The following ABTB2 variants were observed in gnomAD, a reference collection of about 807,000 sequenced individuals.
ABTB2 encodes the protein ankyrin repeat and BTB/POZ domain-containing protein 2.
A neutral mutation model predicts 104.1 loss-of-function variants in ABTB2; 56 were observed. The ratio of observed to expected loss-of-function variants is 0.54; its 90% CI spans 0.43 to 0.67. The LOEUF (loss-of-function observed/expected upper bound fraction) is 0.67, where lower values mean the gene tolerates loss of function less well. Among genes scored for constraint, ABTB2 ranks in the 30% least tolerant of loss-of-function variants. ABTB2 has a pLI of 0.00. For synonymous variants in ABTB2, 606 were observed against 608.2 expected (o/e 1.00, Z 0.05); for missense variants, 1,279 against 1,407.7 (o/e 0.91, Z 1.46).
At chr11:34,277,702 C>A (rs918931945) in intron 1 of ABTB2, among the ~76,000 whole-genome samples, 1 of 151,414 alleles carries the variant, frequency 6.6e-6, no homozygotes, top group African/African-American at 2.4e-5. Flanking sequence ...ATCGCTTGAA[C>A]CCAGGAGGCA....
intron 6 of ABTB2, 117 bp from the exon 7 acceptor site, chr11:34,167,477 C>T: frequency 1.2e-6 from 1 of 867,626 alleles, no homozygotes. Flanking sequence ...TAATGTTTGC[C>T]TGGAGCACAA....
chr11:34,163,799 G>A (rs1351565413), intron 9 of ABTB2, among the ~76,000 whole-genome samples: 2 of 152,218 alleles, frequency 1.3e-5, no homozygotes, highest in South Asian at 4.1e-4. Flanking sequence ...AACTAGCCAC[G>A]GTGACTGTCC....
intron 1 of ABTB2, among the ~76,000 whole-genome samples, chr11:34,305,527 T>C (rs755174215): frequency 3.3e-5 from 5 of 152,156 alleles, no homozygotes; most frequent in Non-Finnish European, 5.9e-5. Context: ...ATCTTGCACG[T>C]TGTATAAACA....
chr11:34,173,863 G>T (rs1852922337), intron 3 of ABTB2, among the ~76,000 whole-genome samples: 1 of 152,184 alleles, frequency 6.6e-6, no homozygotes, highest in Non-Finnish European at 1.5e-5. Context: ...TTCTCCATCT[G>T]TAGCACACGT....
At chr11:34,284,628 T>C (rs772453115) in intron 1 of ABTB2, among the ~76,000 whole-genome samples, 6 of 152,236 alleles carry the variant, frequency 3.9e-5, no homozygotes, top group Non-Finnish European at 7.3e-5. Flanking sequence ...GGGTGAGTTG[T>C]TGACGGATGA....
Position 34,291,460 on chromosome 11 carries a change from C to T in ABTB2, c.883+65241G>A, listed in dbSNP as rs138912213. Reference sequence around the variant, plus strand: ...GCACAGTGTTCTTCGGCGTGGGGCACAGGACTGAAAACTATCCTTCTAACT... The same window carrying T: ...GCACAGTGTTCTTCGGCGTGGGGCATAGGACTGAAAACTATCCTTCTAACT... On this transcript the variant is annotated intron_variant, in intron 1 of 16. Transcript: ENST00000435224. Among the ~76,000 whole-genome samples, 18 of 152,282 alleles carry T rather than the reference C, an allele frequency of 1.2e-4. No individual in the cohort carries two copies. In the East Asian group the frequency reaches 2.7e-3, roughly 23 times the overall value.
chr11:34,169,242 T>C (rs1852838870), intron 5 of ABTB2, among the ~76,000 whole-genome samples: 1 of 152,192 alleles, frequency 6.6e-6, no homozygotes, highest in Non-Finnish European at 1.5e-5. Flanking sequence ...CACTGCTTTT[T>C]CCCTTGTCCC....
intron 1 of ABTB2, among the ~76,000 whole-genome samples, chr11:34,300,937 G>T (rs1320625582): frequency 6.6e-6 from 1 of 152,168 alleles, no homozygotes; most frequent in Non-Finnish European, 1.5e-5. Flanking sequence ...CAATTTACTG[G>T]GGGGCTGGTG....
At chr11:34,230,309 T>C (rs1004235002) in intron 1 of ABTB2, among the ~76,000 whole-genome samples, 2 of 152,152 alleles carry the variant, frequency 1.3e-5, no homozygotes, top group African/African-American at 4.8e-5. Context: ...CCAAACCACG[T>C]TAAGTGGCAG....
At chr11:34,179,080 C>CAA (rs111676312) in intron 3 of ABTB2, among the ~76,000 whole-genome samples, 36,310 of 98,290 alleles carry the variant, frequency 0.37, 7,042 homozygotes, top group Non-Finnish European at 0.48. Context: ...AACTCCAACT[C>CAA]AAAAAAAAAA....
In ABTB2 at chr11:34,159,292, A is replaced by G. The variant is rs751673016; in HGVS notation, c.2697+4T>C. 33 of 1,612,306 alleles carry G rather than the reference A, an allele frequency of 2.0e-5. No homozygotes were observed. The highest frequency in any genetic ancestry group is 2.7e-5 in the African/African-American group (2 of 74,852). ...AGAAGAGGGCGGCACCAAGACCCAC[A>G]CACCTGAAAAATGTGGTACTTCATG... On this transcript the variant is annotated splice_donor_region_variant and intron_variant, in intron 14 of 16. Transcript: ENST00000435224.
intron 3 of ABTB2, among the ~76,000 whole-genome samples, chr11:34,197,089 C>T (rs551619696): frequency 5.3e-5 from 8 of 152,272 alleles, no homozygotes; most frequent in East Asian, 3.9e-4. Context: ...CAGAAGCACA[C>T]GTTCTGAGCC....
At chr11:34,177,796 A>C (rs1852974686) in intron 3 of ABTB2, among the ~76,000 whole-genome samples, 3 of 151,976 alleles carry the variant, frequency 2.0e-5, no homozygotes, top group Admixed American at 2.0e-4. Flanking sequence ...CTCGACTCCT[A>C]AGCTCAAGCG....
intron 1 of ABTB2, among the ~76,000 whole-genome samples, chr11:34,236,988 CTG>C (rs1853852266): frequency 6.6e-6 from 1 of 152,168 alleles, no homozygotes; most frequent in African/African-American, 2.4e-5. Flanking sequence ...ATCATTTAAA[CTG>C]TACAAGGGAA....
chr11:34,172,199 C>T (rs1429370591), intron 4 of ABTB2, among the ~76,000 whole-genome samples: 1 of 151,458 alleles, frequency 6.6e-6, no homozygotes, highest in Non-Finnish European at 1.5e-5. Context: ...ATGATGAAAC[C>T]CAGTCTCTAC....
intron 1 of ABTB2, 122 bp from the exon 2 acceptor site, chr11:34,204,812 G>A: frequency 8.7e-7 from 1 of 1,154,870 alleles, no homozygotes; most frequent in East Asian, 2.6e-5. Context: ...GGTTCAGGAG[G>A]TAAAATCTCT....
chr11:34,169,984 G>A (rs1590205555), intron 5 of ABTB2, among the ~76,000 whole-genome samples: 1 of 152,304 alleles, frequency 6.6e-6, no homozygotes, highest in Non-Finnish European at 1.5e-5. Flanking sequence ...TGAGAACACT[G>A]CCTTAACTCG....
chr11:34,159,872 C>T (rs767599928), intron 13 of ABTB2, 34 bp downstream of exon 13: 14 of 1,543,210 alleles, frequency 9.1e-6, no homozygotes, highest in African/African-American at 1.4e-5. Flanking sequence ...TTCTGTGCCC[C>T]TGGGCTGGGA....
At chr11:34,292,100 T>C (rs1169649833) in intron 1 of ABTB2, among the ~76,000 whole-genome samples, 1 of 152,152 alleles carries the variant, frequency 6.6e-6, no homozygotes, top group African/African-American at 2.4e-5. Context: ...CAAATCTAAA[T>C]AGACCTTAAG....
Sources: gnomAD v4.1 joint callset for allele counts (sites outside exome capture counted in the v4.1 genomes callset) on GRCh38, gnomAD v4.1.1 for gene constraint, MANE v1.5 for transcripts, NCBI Gene and HGNC (gene_info 2026-07-23, HGNC 2026-07-21) for gene names.